The following CCSER1 variants were observed in gnomAD, a reference collection of about 807,000 sequenced individuals.
CCSER1 encodes the protein coiled-coil serine rich protein 1.
CCSER1 carries 41 observed loss-of-function variants against 82.0 expected under a neutral mutation model. The observed-to-expected ratio is 0.50, with a 90% CI of 0.39 to 0.65. CCSER1 has a LOEUF of 0.65. Ranked by LOEUF, CCSER1 falls within the 30% of genes least tolerant of loss-of-function variation. The probability of loss-of-function intolerance (pLI) is 0.00; values close to 1 mark genes in which losing one functional copy is unlikely to be tolerated. For synonymous variants in CCSER1, 414 were observed against 383.9 expected, an observed-to-expected ratio of 1.08 and a Z score of -0.92; for missense variants, 1,119 against 1,064.2, an observed-to-expected ratio of 1.05 and a Z score of -0.72.
chr4:90,613,670 G>C (rs952748461), intron 5 of CCSER1, among the ~76,000 whole-genome samples: 2 of 152,120 alleles, frequency 1.3e-5, no homozygotes, highest in African/African-American at 4.8e-5. Flanking sequence ...GGGGAAGAGA[G>C]CATGGGACCC....
intron 10 of CCSER1, among the ~76,000 whole-genome samples, chr4:91,473,881 ACT>A (rs1757419019): frequency 6.6e-6 from 1 of 151,960 alleles, no homozygotes; most frequent in African/African-American, 2.4e-5. Flanking sequence ...ATTTTAATCA[ACT>A]CTGTAGTGTC....
In CCSER1 at chr4:90,925,007, G is replaced by A. The variant is rs143762516; in HGVS notation, c.2172+1560G>A. 3.5e-3 allele frequency among the ~76,000 whole-genome samples: 532 copies of A among 152,194 alleles called. 2 individuals carry two copies. The highest frequency in any genetic ancestry group is 0.012 in the African/African-American group (495 of 41,522). On this transcript the variant is annotated intron_variant, in intron 9 of 10. Transcript: ENST00000509176. ...CTCCAAAAGTTCTGGGATTACAGGC[G>A]TGAGCCACCACCCCCTGCCTAAAAA... is the stretch of plus-strand genomic sequence containing the variant.
intron 10 of CCSER1, among the ~76,000 whole-genome samples, chr4:91,454,798 A>G (rs1193137283): frequency 6.6e-6 from 1 of 151,758 alleles, no homozygotes; most frequent in Non-Finnish European, 1.5e-5. Context: ...TCTGGTGTTA[A>G]TTTCCCAAAA....
At chr4:90,364,515 A>G (rs2153520532) in intron 3 of CCSER1, among the ~76,000 whole-genome samples, 1 of 152,214 alleles carries the variant, frequency 6.6e-6, no homozygotes, top group South Asian at 2.1e-4. Flanking sequence ...ATGGAATAAA[A>G]TGTAAAGCCA....
chr4:90,960,811 A>G (rs1485615041), intron 9 of CCSER1, among the ~76,000 whole-genome samples: 1 of 152,182 alleles, frequency 6.6e-6, no homozygotes, highest in African/African-American at 2.4e-5. Context: ...AGAAGTTTCT[A>G]TGAAGTTGTG....
At chr4:90,818,235 G>T (rs1187593393) in intron 8 of CCSER1, among the ~76,000 whole-genome samples, 1 of 151,292 alleles carries the variant, frequency 6.6e-6, no homozygotes, top group Non-Finnish European at 1.5e-5. Context: ...GTTAGGGACA[G>T]AATGGGTCTA....
intron 1 of CCSER1, among the ~76,000 whole-genome samples, chr4:90,162,171 A>G (rs975884947): frequency 6.6e-6 from 1 of 152,120 alleles, no homozygotes; most frequent in African/African-American, 2.4e-5. Flanking sequence ...CAGGAAGCTC[A>G]TTTTGACATA....
chr4:90,248,221 C>G (rs1721789513), intron 1 of CCSER1, among the ~76,000 whole-genome samples: 1 of 152,156 alleles, frequency 6.6e-6, no homozygotes, highest in Non-Finnish European at 1.5e-5. Flanking sequence ...GACCTTGTCT[C>G]TCTTGCATAC....
chr4:91,057,729 G>A (rs1226120091), intron 9 of CCSER1, among the ~76,000 whole-genome samples: 6 of 152,080 alleles, frequency 3.9e-5, no homozygotes, highest in South Asian at 2.1e-4. Context: ...TTCAGGTTGA[G>A]AGCCAATATC....
At chr4:90,661,842 A>G (rs929494656) in intron 6 of CCSER1, among the ~76,000 whole-genome samples, 1 of 152,128 alleles carries the variant, frequency 6.6e-6, no homozygotes, top group Non-Finnish European at 1.5e-5. Flanking sequence ...CACAAGTATC[A>G]GAAAATGTGC....
intron 10 of CCSER1, among the ~76,000 whole-genome samples, chr4:91,327,793 A>G (rs887154140): frequency 6.6e-6 from 1 of 152,200 alleles, no homozygotes; most frequent in African/African-American, 2.4e-5. Flanking sequence ...AGCCAGGCCA[A>G]ATCTTACATG....
At chr4:90,532,819 C>G (rs372748208) in intron 5 of CCSER1, among the ~76,000 whole-genome samples, 1 of 152,178 alleles carries the variant, frequency 6.6e-6, no homozygotes, top group Admixed American at 6.5e-5. Flanking sequence ...ACAAATAGAT[C>G]GACTTGTACT....
chr4:91,188,668 A>G (rs1341813401), intron 10 of CCSER1, among the ~76,000 whole-genome samples: 1 of 152,178 alleles, frequency 6.6e-6, no homozygotes, highest in Non-Finnish European at 1.5e-5. Context: ...CTAGGTCATT[A>G]GCTGATGTTG....
chr4:91,571,028 C>G (rs1763150882), intron 10 of CCSER1, among the ~76,000 whole-genome samples: 1 of 152,122 alleles, frequency 6.6e-6, no homozygotes, highest in Admixed American at 6.6e-5. Flanking sequence ...AAAATTCCAC[C>G]AGTCTCTTTA....
chr4:91,440,143 C>T (rs1009841228), intron 10 of CCSER1, among the ~76,000 whole-genome samples: 2 of 152,074 alleles, frequency 1.3e-5, no homozygotes, highest in African/African-American at 4.8e-5. Context: ...ACTCTCCACC[C>T]CAAATCAACA....
At chr4:90,639,080 G>A (rs565115400) in intron 6 of CCSER1, among the ~76,000 whole-genome samples, 3 of 152,102 alleles carry the variant, frequency 2.0e-5, no homozygotes, top group Admixed American at 2.0e-4. Context: ...AGCCACTGCA[G>A]TGATCTTACT....
At chr4:91,481,522 A>C (rs1757913617) in intron 10 of CCSER1, among the ~76,000 whole-genome samples, 1 of 152,188 alleles carries the variant, frequency 6.6e-6, no homozygotes, top group Admixed American at 6.5e-5. Context: ...ATACTGTCAC[A>C]TTCTGACATG....
intron 1 of CCSER1, among the ~76,000 whole-genome samples, chr4:90,229,816 C>A (rs1414983076): frequency 1.3e-5 from 2 of 152,084 alleles, no homozygotes; most frequent in African/African-American, 4.8e-5. Context: ...GCAGGGGTTG[C>A]AATCCTAGTC....
intron 5 of CCSER1, among the ~76,000 whole-genome samples, chr4:90,609,663 C>T (rs1785193145): frequency 2.0e-5 from 3 of 152,078 alleles, no homozygotes; most frequent in Admixed American, 2.0e-4. Flanking sequence ...TTGAGATATT[C>T]ATTAGGCATT....
Sources: allele counts gnomAD v4.1 joint callset (sites outside exome capture counted in the v4.1 genomes callset), GRCh38; gene constraint gnomAD v4.1.1; transcripts MANE v1.5; gene names NCBI Gene and HGNC (gene_info 2026-07-23, HGNC 2026-07-21).